Variants in COP1 observed in about 807,000 individuals in gnomAD.
COP1 encodes COP1 E3 ubiquitin ligase.
Under a neutral mutation model 101.3 loss-of-function variants are expected in COP1, and 24 were observed. That is an observed-to-expected ratio of 0.24 (90% confidence interval 0.17 to 0.33). The LOEUF is 0.33. COP1 is among the 10% of genes least tolerant of loss of function. COP1 has a pLI of 1.00. For missense variants in COP1, 663 were observed against 906.2 expected, an observed-to-expected ratio of 0.73 and a Z score of 3.45; for synonymous variants, 347 against 341.9, an observed-to-expected ratio of 1.01 and a Z score of -0.17.
intron 10 of COP1, 115 bp downstream of exon 10, chr1:176,085,661 T>C (rs1174984115): frequency 1.6e-5 from 8 of 514,914 alleles, no homozygotes; most frequent in Non-Finnish European, 2.8e-5. Context: ...GTAGACTATG[T>C]CAAAAATACA....
intron 14 of COP1, among the ~76,000 whole-genome samples, chr1:176,034,611 A>G (rs1669174780): frequency 6.6e-6 from 1 of 152,178 alleles, no homozygotes; most frequent in African/African-American, 2.4e-5. Context: ...CCTGGGAGAT[A>G]AAGAGTCGGG....
chr1:176,042,294 C>T (rs1670723984), intron 14 of COP1, among the ~76,000 whole-genome samples: 1 of 122,996 alleles, frequency 8.1e-6, no homozygotes, highest in Admixed American at 8.9e-5. Flanking sequence ...AAAAAGGTGG[C>T]TCATGTCTGT....
At chr1:176,007,437 C>T (rs1663567715) in intron 15 of COP1, among the ~76,000 whole-genome samples, 1 of 152,066 alleles carries the variant, frequency 6.6e-6, no homozygotes, top group South Asian at 2.1e-4. Flanking sequence ...TTAGAGTTTC[C>T]AGTTTTTCTG....
intron 3 of COP1, among the ~76,000 whole-genome samples, chr1:176,169,482 G>A (rs1206691277): frequency 6.6e-6 from 1 of 152,096 alleles, no homozygotes; most frequent in African/African-American, 2.4e-5. Context: ...CGCAGGTTCG[G>A]TTCTAGGCCC....
intron 15 of COP1, among the ~76,000 whole-genome samples, chr1:175,992,251 A>G (rs1441374709): frequency 1.3e-5 from 2 of 152,230 alleles, no homozygotes; most frequent in African/African-American, 4.8e-5. Flanking sequence ...TTAAAAATGT[A>G]CAATGGGAGG....
intron 18 of COP1, among the ~76,000 whole-genome samples, chr1:175,971,292 T>A (rs1182185233): frequency 6.6e-6 from 1 of 152,204 alleles, no homozygotes; most frequent in Non-Finnish European, 1.5e-5. Context: ...TAACCTCATT[T>A]GTTATATTTT....
chr1:176,126,288 T>G (rs1042399581), intron 8 of COP1, among the ~76,000 whole-genome samples: 1 of 152,214 alleles, frequency 6.6e-6, no homozygotes, highest in African/African-American at 2.4e-5. Context: ...GGCATCCTTG[T>G]TGAGTTCCAG....
intron 15 of COP1, among the ~76,000 whole-genome samples, chr1:176,002,260 T>C (rs1661816967): frequency 1.3e-5 from 2 of 152,142 alleles, no homozygotes; most frequent in South Asian, 4.1e-4. Flanking sequence ...GTTCATTTTT[T>C]CTTTTATTCT....
intron 18 of COP1, among the ~76,000 whole-genome samples, chr1:175,960,365 A>G (rs1651189553): frequency 6.6e-6 from 1 of 152,214 alleles, no homozygotes; most frequent in South Asian, 2.1e-4. Flanking sequence ...CTAAGCTAAC[A>G]GAACCATTTT....
In COP1 at chr1:176,162,831, A is replaced by G. The variant is rs750324408; in HGVS notation, c.762+38T>C. On this transcript the variant is annotated intron_variant, in intron 5 of 19. Coordinates refer to ENST00000367669, the MANE Select transcript of COP1 (RefSeq NM_022457.7). Reference sequence around the variant, plus strand: ...CGTCTTTTTTATTGCAATAAAGTTCATCATTTAAAATTTTTTTTAAGTTTA... The same window carrying G: ...CGTCTTTTTTATTGCAATAAAGTTCGTCATTTAAAATTTTTTTTAAGTTTA... 3.9e-6 allele frequency: 6 copies of G among 1,547,654 alleles called. No homozygotes were observed. In the South Asian group the frequency reaches 5.1e-5, roughly 13 times the overall value.
At chr1:176,177,673 A>G (rs1697157244) in intron 2 of COP1, among the ~76,000 whole-genome samples, 1 of 152,160 alleles carries the variant, frequency 6.6e-6, no homozygotes, top group African/African-American at 2.4e-5. Flanking sequence ...CAGAGAAAGT[A>G]CCTCTTTTAT....
In COP1 at chr1:175,988,430, G is replaced by C. The variant is rs771081169; in HGVS notation, c.1848-18C>G. On this transcript the variant is annotated intron_variant, in intron 16 of 19. Transcript: ENST00000367669. ...CTGTTGAGCTGAGGAAAAGTACAAA[G>C]AGTAAGAACTTACTTAAAATTTCTT... 1.9e-6 allele frequency: 3 copies of C among 1,563,900 alleles called. No individual in the cohort carries two copies. The highest frequency in any genetic ancestry group is 2.6e-6 in the Non-Finnish European group (3 of 1,152,010).
chr1:176,203,296 C>G (rs912252520), intron 1 of COP1, among the ~76,000 whole-genome samples: 2 of 152,018 alleles, frequency 1.3e-5, no homozygotes, highest in Non-Finnish European at 1.5e-5. Context: ...GAGATCGCAC[C>G]ACTGCACTCC....
chr1:175,974,966 T>C (rs180954365), intron 18 of COP1, among the ~76,000 whole-genome samples: 173 of 148,128 alleles, frequency 1.2e-3, no homozygotes, highest in African/African-American at 4.2e-3. Flanking sequence ...CCCCCCAAAA[T>C]TGCATAATTC....
At chr1:175,976,367 T>C (rs1654603443) in intron 18 of COP1, among the ~76,000 whole-genome samples, 1 of 133,084 alleles carries the variant, frequency 7.5e-6, no homozygotes, top group African/African-American at 2.7e-5. Flanking sequence ...AACCTACACC[T>C]CCCGGGTTCA....
intron 11 of COP1, among the ~76,000 whole-genome samples, chr1:176,047,279 A>C (rs1174990590): frequency 1.3e-5 from 2 of 152,234 alleles, no homozygotes; most frequent in Non-Finnish European, 2.9e-5. Flanking sequence ...TTCACTTACT[A>C]AAACATTTTG....
chr1:176,046,038 A>C (rs1671465646), intron 12 of COP1, 143 bp downstream of exon 12: 1 of 545,670 alleles, frequency 1.8e-6, no homozygotes, highest in Non-Finnish European at 3.0e-6. Flanking sequence ...TATAAGTAAT[A>C]ATATATACTC....
At chr1:176,018,351 T>C (rs1666050000) in intron 15 of COP1, 1 of 152,218 alleles carries the variant, frequency 6.6e-6, no homozygotes, top group South Asian at 2.1e-4. Flanking sequence ...GTCTCAGTTA[T>C]ATTATGTACA....
intron 16 of COP1, 48 bp downstream of exon 16, chr1:175,989,314 G>A: frequency 3.2e-6 from 3 of 934,298 alleles, no homozygotes; most frequent in Non-Finnish European, 5.3e-6. Context: ...TGGTAGGTAA[G>A]TACAGAGCTC....
Sources: gnomAD v4.1 joint callset for allele counts (sites outside exome capture counted in the v4.1 genomes callset) on GRCh38, gnomAD v4.1.1 for gene constraint, MANE v1.5 for transcripts, NCBI Gene and HGNC (gene_info 2026-07-23, HGNC 2026-07-21) for gene names.